The following HEATR9 variants were observed in gnomAD, a reference collection of about 807,000 sequenced individuals.
HEATR9 encodes the protein HEAT repeat containing 9, also known as protein HEATR9.
HEATR9 carries 54 observed loss-of-function variants against 68.2 expected under a neutral mutation model. That is an observed-to-expected ratio of 0.79 (90% CI 0.64 to 0.99). HEATR9 has a LOEUF of 0.99. HEATR9 is among the 50% of genes least tolerant of loss of function. The probability of loss-of-function intolerance (pLI) is 0.00; values close to 1 mark genes in which losing one functional copy is unlikely to be tolerated. For synonymous variants in HEATR9, 241 were observed against 253.5 expected, an observed-to-expected ratio of 0.95 and a Z score of 0.47; for missense variants, 662 against 679.7, an observed-to-expected ratio of 0.97 and a Z score of 0.29.
At chr17:35,863,464 C>T (rs762535276) in intron 7 of HEATR9, 38 bp downstream of exon 7, 21 of 1,607,138 alleles carry the variant, frequency 1.3e-5, no homozygotes, top group Middle Eastern at 3.3e-4. Flanking sequence ...AGTGGTTGCA[C>T]TTTCTCAACT....
At chr17:35,865,464 G>A in intron 2 of HEATR9, 68 bp from the exon 3 acceptor site, 1 of 1,246,556 alleles carries the variant, frequency 8.0e-7, no homozygotes, top group Non-Finnish European at 1.1e-6. Flanking sequence ...GGTATGGGGA[G>A]GAGGGGGTAA....
chr17:35,861,027 CAG>C, intron 8 of HEATR9: 1 of 686,476 alleles, frequency 1.5e-6, no homozygotes, highest in Non-Finnish European at 2.6e-6. Context: ...GCTTGGGTGA[CAG>C]AGCGAGATTC....
Position 35,858,192 on chromosome 17 carries a change from T to A in HEATR9, c.1152+8A>T. The A allele has an allele frequency of 9.3e-6, 15 of 1,614,154 alleles. No homozygotes were observed. The highest frequency in any genetic ancestry group is 1.3e-5 in the Non-Finnish European group (15 of 1,180,030). On this transcript the variant is annotated splice_region_variant and intron_variant, in intron 11 of 14. Transcript: ENST00000604834. ...GTCTCTGGGCTTGGGAGCTTTGGTC[T>A]CACTTACAAGGAAGGGTTCATTATG...
At chr17:35,866,325 A>G (rs1322832377) in intron 2 of HEATR9, among the ~76,000 whole-genome samples, 1 of 152,172 alleles carries the variant, frequency 6.6e-6, no homozygotes, top group Non-Finnish European at 1.5e-5. Flanking sequence ...GAAATATTTG[A>G]GACACATTTG....
rs569161799 is a variant in HEATR9, at chr17:35,855,408, T to G, written c.1368A>C (p.Leu456=). The part of the protein sequence containing the change: ...AENHQAVKKS[L]QETLILCASI... ...AGGCACAAAGGATTAATGTTTCTTG[T>G]AGCTGCATTGAAACAAAGGTCCTAG... Residue 456 remains leucine (L), a splice_region_variant and synonymous_variant, in exon 15 of 15, where the codon CTA becomes CTC. Coordinates refer to ENST00000604834, the MANE Select transcript of HEATR9 (RefSeq NM_152781.4). 1 of 1,611,196 alleles carries G rather than the reference T, an allele frequency of 6.2e-7. No homozygotes were observed. Among genetic ancestry groups the G allele is most frequent in the East Asian group, 2.2e-5 (1 of 44,824 alleles).
intron 7 of HEATR9, 40 bp downstream of exon 7, chr17:35,863,462 C>T (rs775258843): frequency 6.2e-7 from 1 of 1,601,912 alleles, no homozygotes; most frequent in South Asian, 1.1e-5. Context: ...AAAGTGGTTG[C>T]ACTTTCTCAA....
chr17:35,865,040 G>T, intron 3 of HEATR9, 150 bp from the exon 4 acceptor site: 2 of 1,315,600 alleles, frequency 1.5e-6, no homozygotes, highest in Non-Finnish European at 2.1e-6. Flanking sequence ...CCAGAGCCGA[G>T]CCGAGCCGAG....
At chr17:35,860,092 A>G (rs1393094461) in intron 8 of HEATR9, among the ~76,000 whole-genome samples, 2 of 152,178 alleles carry the variant, frequency 1.3e-5, no homozygotes, top group South Asian at 4.1e-4. Context: ...TAAGGACATC[A>G]TTTAAGAACA....
intron 8 of HEATR9, chr17:35,861,344 T>C (rs1598591161): frequency 6.6e-7 from 1 of 1,505,116 alleles, no homozygotes; most frequent in Non-Finnish European, 9.2e-7. Context: ...GGTTCATTTC[T>C]ATGTTTTTAA....
Position 35,855,038 on chromosome 17 carries a change from C to G in HEATR9, c.*25G>C, listed in dbSNP as rs373781774. 1.9e-6 allele frequency: 3 copies of G among 1,578,896 alleles called. No individual in the cohort carries two copies. The Admixed American group carries it at 5.3e-5, about 28-fold the overall frequency. On this transcript the variant is annotated 3_prime_UTR_variant, in exon 15 of 15. Transcript: ENST00000604834. ...TGAGAAGCATCTTCAGGGAGGGAGT[C>G]GGGGAGTAGGCCCAAAGAATTGACT...
In HEATR9 at chr17:35,855,653, G is replaced by T; in HGVS notation, c.1365+11C>A. The T allele has an allele frequency of 6.2e-7, 1 of 1,612,274 alleles. No homozygotes were observed. The highest frequency in any genetic ancestry group is 8.5e-7 in the Non-Finnish European group (1 of 1,178,364). On this transcript the variant is annotated intron_variant, in intron 14 of 14. Coordinates refer to ENST00000604834, the MANE Select transcript of HEATR9 (RefSeq NM_152781.4). ...AGAAGAGGAAGAAGTGGGCAGGAAC[G>T]CCTTACTTACACTCTTCTTCACAGC... is the stretch of plus-strand genomic sequence containing the variant.
Position 35,858,483 on chromosome 17 carries a change from G to A in HEATR9, c.982C>T (p.Pro328Ser), listed in dbSNP as rs1317573631. 3 of 1,613,958 alleles carry A rather than the reference G, an allele frequency of 1.9e-6. No individual in the cohort carries two copies. Among genetic ancestry groups the A allele is most frequent in the Non-Finnish European group, 2.5e-6 (3 of 1,180,020 alleles). ...LVKVMHVHSA[P>S]VIKAILDQLC... The stretch of plus-strand genomic sequence containing the variant: ...TGGTCTAGGATGGCCTTGATGACTG[G>A]GGCTGAGTGCACGTGCATCACCTTG... The change falls in exon 10 of 15, where the codon CCA (proline) becomes TCA (serine). Residue 328 changes from proline to serine, a missense_variant. Transcript: ENST00000604834.
chr17:35,864,636 C>G, intron 4 of HEATR9, 83 bp from the exon 5 acceptor site: 2 of 1,587,284 alleles, frequency 1.3e-6, no homozygotes, highest in Non-Finnish European at 1.7e-6. Flanking sequence ...CCAATCCAAT[C>G]CCTTTTCCTA....
chr17:35,861,763 C>T (rs1276102422), intron 8 of HEATR9, among the ~76,000 whole-genome samples: 2 of 152,132 alleles, frequency 1.3e-5, no homozygotes, highest in African/African-American at 2.4e-5. Context: ...GCAACCCATC[C>T]CTACTCCTAC....
chr17:35,866,638 T>G, intron 2 of HEATR9, 86 bp downstream of exon 2: 1 of 1,280,680 alleles, frequency 7.8e-7, no homozygotes, highest in Non-Finnish European at 1.1e-6. Context: ...CAGGGTTCTG[T>G]GAGCTGGCTT....
At chr17:35,860,391 CAAAA>C (rs1291619732) in intron 8 of HEATR9, among the ~76,000 whole-genome samples, 1 of 56,810 alleles carries the variant, frequency 1.8e-5, no homozygotes, top group Non-Finnish European at 3.6e-5. Context: ...GACTCCGTCT[CAAAA>C]AAAAAAAAAA....
At position 35,858,284 on chromosome 17, in the gene HEATR9, A is replaced by C; in HGVS notation, c.1068T>G (p.Ile356Met). Residue 356 changes from isoleucine to methionine, a missense_variant, in exon 11 of 15, where the codon ATT (isoleucine) becomes ATG (methionine). Coordinates refer to ENST00000604834, the MANE Select transcript of HEATR9 (RefSeq NM_152781.4). Reference sequence around the variant, plus strand: ...CCTGTGCCTGGATCTGTTCCAGCCCAATGGTCTTGAGCATTTGGGTGGCTT... The same window carrying C: ...CCTGTGCCTGGATCTGTTCCAGCCCCATGGTCTTGAGCATTTGGGTGGCTT... Reference protein sequence around the residue: ...RFEATQMLKTIGLEQIQAQGL... With the variant: ...RFEATQMLKTMGLEQIQAQGL... The C allele has an allele frequency of 6.2e-7, 1 of 1,614,122 alleles. No individual in the cohort carries two copies. Among genetic ancestry groups the C allele is most frequent in the Non-Finnish European group, 8.5e-7 (1 of 1,180,006 alleles).
At chr17:35,856,873 A>T (rs1463105547) in intron 11 of HEATR9, 68 bp from the exon 12 acceptor site, 1 of 1,350,570 alleles carries the variant, frequency 7.4e-7, no homozygotes, top group South Asian at 1.2e-5. Context: ...GAGCCTCTCA[A>T]ATCTTTACTG....
chr17:35,867,623 A>G (rs894781299), intron 1 of HEATR9, among the ~76,000 whole-genome samples: 1 of 152,078 alleles, frequency 6.6e-6, no homozygotes, highest in African/African-American at 2.4e-5. Context: ...AATCTGGGCA[A>G]CAAAGTGAGA....
Sources: gnomAD v4.1 joint callset for allele counts (sites outside exome capture counted in the v4.1 genomes callset) on GRCh38, gnomAD v4.1.1 for gene constraint, MANE v1.5 for transcripts, NCBI Gene and HGNC (gene_info 2026-07-23, HGNC 2026-07-21) for gene names.